The following PLAT variants were observed in gnomAD, a reference collection of about 807,000 sequenced individuals.
PLAT encodes tissue-type plasminogen activator.
A neutral mutation model predicts 74.9 loss-of-function variants in PLAT; 48 were observed. The ratio of observed to expected loss-of-function variants is 0.64; its 90% CI spans 0.51 to 0.82. The LOEUF (loss-of-function observed/expected upper bound fraction) is 0.82. PLAT is among the 40% of genes least tolerant of loss of function. The pLI, the probability that PLAT is intolerant of heterozygous loss-of-function variation, is 0.00. For missense variants in PLAT, 673 were observed against 736.2 expected (o/e 0.91, Z 0.99); for synonymous variants, 307 against 294.4 (o/e 1.04, Z -0.44).
chr8:42,205,319 G>C (rs1460519071), intron 1 of PLAT, among the ~76,000 whole-genome samples: 6 of 152,168 alleles, frequency 3.9e-5, no homozygotes. Context: ...CTGAGGTCAC[G>C]AGTTCAAGAC....
chr8:42,188,366 A>T, intron 4 of PLAT: 1 of 211,904 alleles, frequency 4.7e-6, no homozygotes, highest in Admixed American at 5.6e-5. Flanking sequence ...ACAGCAAACC[A>T]TGAAGTGTGT....
chr8:42,181,873 G>T, intron 9 of PLAT, 64 bp downstream of exon 9: 1 of 937,298 alleles, frequency 1.1e-6, no homozygotes, highest in Non-Finnish European at 1.8e-6. Flanking sequence ...GGCCTAGAAA[G>T]TGGCGAGGAG....
intron 7 of PLAT, 70 bp from the exon 8 acceptor site, chr8:42,182,960 G>T: frequency 7.6e-7 from 1 of 1,307,644 alleles, no homozygotes; most frequent in Non-Finnish European, 1.1e-6. Flanking sequence ...GCTGGGGCTT[G>T]AAGCGGAGCT....
intron 1 of PLAT, among the ~76,000 whole-genome samples, chr8:42,203,984 T>TACACACACAC (rs1231429627): frequency 2.5e-5 from 3 of 120,716 alleles, no homozygotes; most frequent in African/African-American, 1.1e-4. Context: ...TATATATATA[T>TACACACACAC]ATATATATAC....
At chr8:42,181,108 G>A (rs1345083769) in intron 9 of PLAT, among the ~76,000 whole-genome samples, 1 of 152,124 alleles carries the variant, frequency 6.6e-6, no homozygotes, top group Non-Finnish European at 1.5e-5. Context: ...CTTTCCTGAC[G>A]TCCCCACCTG....
rs1730145487 is a variant in PLAT, at chr8:42,191,365, A to C, written c.115+7T>G. On this transcript the variant is annotated splice_region_variant and intron_variant, in intron 3 of 13. Coordinates refer to ENST00000220809, the MANE Select transcript of PLAT (RefSeq NM_000930.5). Reference sequence around the variant, plus strand: ...ATGACCCCATGCACCCCTCAGCTTCACCCGACCTTGGTAAGATCTGGCTCC... The same window carrying C: ...ATGACCCCATGCACCCCTCAGCTTCCCCCGACCTTGGTAAGATCTGGCTCC... The C allele has an allele frequency of 6.2e-7, 1 of 1,613,642 alleles. No homozygotes were observed. The highest frequency in any genetic ancestry group is 2.2e-5 in the East Asian group (1 of 44,864).
At chr8:42,182,267 C>A (rs2129715863) in intron 8 of PLAT, 1 of 415,340 alleles carries the variant, frequency 2.4e-6, no homozygotes, top group East Asian at 5.2e-5. Flanking sequence ...GAGACTCAGT[C>A]AACCAATGAA....
intron 3 of PLAT, among the ~76,000 whole-genome samples, chr8:42,190,280 C>T (rs1204434850): frequency 6.6e-6 from 1 of 152,148 alleles, no homozygotes; most frequent in Non-Finnish European, 1.5e-5. Context: ...GCATAACTGT[C>T]TACCAGAGTT....
intron 4 of PLAT, 150 bp downstream of exon 4, chr8:42,188,784 G>C: frequency 1.5e-6 from 1 of 673,348 alleles, no homozygotes; most frequent in Non-Finnish European, 2.6e-6. Flanking sequence ...TACCAGGTCT[G>C]GCTAATTTTT....
chr8:42,179,263 C>A lies in PLAT; in HGVS notation c.1364-200G>T, dbSNP rs189982403. 3.3e-4 allele frequency among the ~76,000 whole-genome samples: 50 copies of A among 152,284 alleles called. No homozygotes were observed. The East Asian group carries it at 7.3e-3, about 22-fold the overall frequency. On this transcript the variant is annotated intron_variant, in intron 12 of 13. Coordinates refer to ENST00000220809, the MANE Select transcript of PLAT (RefSeq NM_000930.5). ...TCCGGGATTGAACCCACAGCCTCTCCGTAGTGGCACTGCTGATGCTTCGGA... is the reference window on the plus strand; with the variant it reads ...TCCGGGATTGAACCCACAGCCTCTCAGTAGTGGCACTGCTGATGCTTCGGA...
At chr8:42,202,889 T>G (rs563490061) in intron 1 of PLAT, among the ~76,000 whole-genome samples, 28 of 152,168 alleles carry the variant, frequency 1.8e-4, no homozygotes, top group African/African-American at 6.5e-4. Context: ...AGGCAGACAG[T>G]GAAGGGGTCT....
At chr8:42,176,183 A>G (rs775784715) in intron 13 of PLAT, 32 bp from the exon 14 acceptor site, 6 of 1,579,926 alleles carry the variant, frequency 3.8e-6, no homozygotes, top group African/African-American at 1.4e-5. Flanking sequence ...TGGCGTTTGC[A>G]AAAAAAGCAG....
At chr8:42,207,060 A>G (rs1046286972) in intron 1 of PLAT, among the ~76,000 whole-genome samples, 2 of 152,194 alleles carry the variant, frequency 1.3e-5, no homozygotes, top group African/African-American at 4.8e-5. Flanking sequence ...CTGGGGGTTC[A>G]TCGGGGGAGG....
intron 1 of PLAT, among the ~76,000 whole-genome samples, chr8:42,201,104 A>G (rs928826890): frequency 6.6e-6 from 1 of 152,214 alleles, no homozygotes; most frequent in African/African-American, 2.4e-5. Context: ...TGCTAGGATT[A>G]CAGGCGTGAG....
intron 6 of PLAT, chr8:42,187,110 ATCATC>A (rs72110873): frequency 0.12 from 38,394 of 314,004 alleles, 2,610 homozygotes; most frequent in South Asian, 0.17. Context: ...CTATCAATCT[ATCATC>A]TATCTATCAC....
intron 2 of PLAT, among the ~76,000 whole-genome samples, chr8:42,191,909 G>C (rs1175432344): frequency 6.6e-6 from 1 of 151,790 alleles, no homozygotes; most frequent in Admixed American, 6.6e-5. Flanking sequence ...CATTTTCAGA[G>C]AGTGTGTGTA....
intron 1 of PLAT, among the ~76,000 whole-genome samples, chr8:42,196,592 C>T (rs988110752): frequency 6.6e-6 from 1 of 152,088 alleles, no homozygotes; most frequent in South Asian, 2.1e-4. Flanking sequence ...GGGCCAGTGA[C>T]GGGATGCAGA....
intron 1 of PLAT, among the ~76,000 whole-genome samples, chr8:42,194,024 TC>T (rs1805793959): frequency 6.8e-6 from 1 of 146,198 alleles, no homozygotes; most frequent in East Asian, 2.0e-4. Context: ...TGCCTTTTTT[TC>T]TTTTTCCTTT....
chr8:42,190,429 A>G (rs1213316871), intron 3 of PLAT, among the ~76,000 whole-genome samples: 2 of 152,200 alleles, frequency 1.3e-5, no homozygotes. Context: ...TACTCCCATT[A>G]ATATTTTCAT....
Sources: allele counts gnomAD v4.1 joint callset (sites outside exome capture counted in the v4.1 genomes callset), GRCh38; gene constraint gnomAD v4.1.1; transcripts MANE v1.5; gene names NCBI Gene and HGNC (gene_info 2026-07-23, HGNC 2026-07-21).